The following NAF1 variants were observed in gnomAD, a reference collection of about 807,000 sequenced individuals.
The protein encoded by NAF1 is H/ACA ribonucleoprotein complex non-core subunit NAF1.
Under a neutral mutation model 40.6 loss-of-function variants are expected in NAF1, and 11 were observed. That is an observed-to-expected ratio of 0.27 (90% confidence interval 0.17 to 0.45). The LOEUF is 0.45. Among genes scored for constraint, NAF1 ranks in the 20% least tolerant of loss-of-function variants. The pLI is 1.00. For synonymous variants in NAF1, 260 were observed against 228.5 expected, an observed-to-expected ratio of 1.14 and a Z score of -1.24; for missense variants, 607 against 611.1, an observed-to-expected ratio of 0.99 and a Z score of 0.07.
At chr4:163,138,407 T>C (rs959495465) in intron 5 of NAF1, among the ~76,000 whole-genome samples, 4 of 152,074 alleles carry the variant, frequency 2.6e-5, no homozygotes, top group Non-Finnish European at 4.4e-5. Flanking sequence ...CAGACATAAA[T>C]GGGAAAAATT....
At chr4:163,158,305 C>T (rs946646225) in intron 2 of NAF1, 3 of 151,984 alleles carry the variant, frequency 2.0e-5, no homozygotes, top group African/African-American at 7.2e-5. Flanking sequence ...AGAGCCATGA[C>T]TGAATTTTTT....
chr4:163,160,344 A>G (rs996005816), intron 2 of NAF1, among the ~76,000 whole-genome samples: 11 of 152,164 alleles, frequency 7.2e-5, no homozygotes, highest in Non-Finnish European at 1.6e-4. Flanking sequence ...GTACCCTCAC[A>G]TTAAAAAACA....
At chr4:163,146,505 ACT>A (rs1254564865) in intron 3 of NAF1, among the ~76,000 whole-genome samples, 3 of 152,144 alleles carry the variant, frequency 2.0e-5, no homozygotes, top group African/African-American at 7.2e-5. Flanking sequence ...ACACAAACAC[ACT>A]CTCAATAAGT....
intron 6 of NAF1, 59 bp from the exon 7 acceptor site, chr4:163,133,315 C>A (rs757258985): frequency 2.2e-6 from 3 of 1,342,958 alleles, no homozygotes; most frequent in South Asian, 1.3e-5. Flanking sequence ...TTCAATAGTA[C>A]ATACTTGGAG....
chr4:163,142,606 T>C (rs1560793769), intron 4 of NAF1, among the ~76,000 whole-genome samples: 1 of 152,346 alleles, frequency 6.6e-6, no homozygotes, highest in East Asian at 1.9e-4. Flanking sequence ...GAAATCATTA[T>C]AAAGTTTTAA....
At position 163,143,528 on chromosome 4, in the gene NAF1, C is replaced by G. The variant is rs372698101; in HGVS notation, c.717+2254G>C. ...GAGAATGAGCTGTACTCTCCTCCCC[C>G]TCTCCACACACATACCATGTCACAA... On this transcript the variant is annotated intron_variant, in intron 4 of 7. Coordinates refer to ENST00000274054, the MANE Select transcript of NAF1 (RefSeq NM_138386.3). 9.3e-4 allele frequency among the ~76,000 whole-genome samples: 142 copies of G among 152,328 alleles called. 2 individuals are homozygous for G. Among genetic ancestry groups the G allele is most frequent in the South Asian group, 3.5e-3 (17 of 4,830 alleles).
chr4:163,131,062 G>A (rs968050112), intron 7 of NAF1, among the ~76,000 whole-genome samples: 58 of 152,098 alleles, frequency 3.8e-4, no homozygotes, highest in African/African-American at 1.4e-3. Context: ...TAGTAGAGAT[G>A]GGGTTTCACC....
chr4:163,116,138 T>C (rs560898363), intron 2 of NAF1, among the ~76,000 whole-genome samples: 2 of 152,324 alleles, frequency 1.3e-5, no homozygotes, highest in African/African-American at 4.8e-5. Flanking sequence ...TGACACATCA[T>C]CAGTTTTTGA....
chr4:163,126,873 G>T (rs962625406), downstream of NAF1: 51 of 1,426,880 alleles, frequency 3.6e-5, 1 homozygote, highest in Admixed American at 1.3e-3. Flanking sequence ...CCTTCCAACA[G>T]CTAAAAGACT....
At chr4:163,166,324 G>T (rs201397078) in intron 1 of NAF1, 39 bp downstream of exon 1, 223 of 1,533,166 alleles carry the variant, frequency 1.5e-4, no homozygotes, top group Non-Finnish European at 1.9e-4. Context: ...CGTCATACAA[G>T]ACCTCTCCCC....
chr4:163,162,187 G>A lies in NAF1; in HGVS notation c.540+2030C>T, dbSNP rs183327709. Among the ~76,000 whole-genome samples the A allele has an allele frequency of 4.6e-3, 693 of 152,228 alleles. 6 individuals carry two copies. The highest frequency in any genetic ancestry group is 8.0e-3 in the Non-Finnish European group (547 of 68,002). ...GGTAAAACTGCCAGCCCTGAGAAAC[G>A]GACAAAGAGGCAGACTCCTAAACAC... is the stretch of plus-strand genomic sequence containing the variant. On this transcript the variant is annotated intron_variant, in intron 2 of 7. Coordinates refer to ENST00000274054, the MANE Select transcript of NAF1 (RefSeq NM_138386.3).
intron 2 of NAF1, among the ~76,000 whole-genome samples, chr4:163,113,046 A>G (rs1252449587): frequency 1.3e-5 from 2 of 152,196 alleles, no homozygotes; most frequent in Non-Finnish European, 2.9e-5. Context: ...AGAAAAATTG[A>G]GACATCAAAC....
rs191886835 is a variant in NAF1 at position 163,162,961 on chromosome 4, T to C, written c.540+1256A>G. Among the ~76,000 whole-genome samples the C allele has an allele frequency of 2.0e-5, 3 of 152,290 alleles. No individual in the cohort carries two copies. In the East Asian group the frequency reaches 5.8e-4, roughly 29 times the overall value. ...AATACCTAAACAAATATGCTAAGAC[T>C]TTGCATTAAATTGGAAGAAATTCCC... On this transcript the variant is annotated intron_variant, in intron 2 of 7. Coordinates refer to ENST00000274054, the MANE Select transcript of NAF1 (RefSeq NM_138386.3).
In NAF1 at chr4:163,153,047, C is replaced by T. The variant is rs181429699; in HGVS notation, c.541-4613G>A. 1.6e-3 allele frequency among the ~76,000 whole-genome samples: 247 copies of T among 152,338 alleles called. 4 individuals carry two copies. The highest frequency in any genetic ancestry group is 8.3e-3 in the East Asian group (43 of 5,182). On this transcript the variant is annotated intron_variant, in intron 2 of 7. Transcript: ENST00000274054. ...CAGCAGTGCCAGCCCAGCAGCACTG[C>T]GCTCGATTTCTCGCCGAGCCTTAGC...
rs146833635 is a variant in NAF1, at chr4:163,141,061, G to A, written c.718-678C>T. ...AAATTGTACTTTCTTCTCAAAATAC[G>A]TGAATTAAAAAATATATTTTCTGGC... On this transcript the variant is annotated intron_variant, in intron 4 of 7. Coordinates refer to ENST00000274054, the MANE Select transcript of NAF1 (RefSeq NM_138386.3). 7.9e-5 allele frequency among the ~76,000 whole-genome samples: 12 copies of A among 152,286 alleles called. No homozygotes were observed. In the East Asian group the frequency reaches 1.3e-3, roughly 17 times the overall value.
Position 163,129,138 on chromosome 4 carries a change from T to C in NAF1, c.1244A>G (p.Asn415Ser), listed in dbSNP as rs1239306784. The change falls in exon 8 of 8, where the codon AAT (asparagine) becomes AGT (serine). Residue 415 changes from asparagine to serine, a missense_variant. By Grantham distance (46) the Asn-to-Ser change is conservative. Transcript: ENST00000274054. ...GGGGTATTGTGGCATAATGGGATTA[T>C]TTTGTCTCTGAGAAGGAAATCCTGA... ...ETSGFPSQRQ[N>S]NPIMPQYPFP... The C allele has an allele frequency of 6.2e-7, 1 of 1,613,950 alleles. No individual in the cohort carries two copies. Among genetic ancestry groups the C allele is most frequent in the Non-Finnish European group, 8.5e-7 (1 of 1,179,870 alleles).
chr4:163,158,148 G>A (rs1732068114), intron 2 of NAF1: 1 of 152,090 alleles, frequency 6.6e-6, no homozygotes, highest in South Asian at 2.1e-4. Context: ...TGAGAAAAGT[G>A]AGGAAGGTGG....
intron 5 of NAF1, among the ~76,000 whole-genome samples, chr4:163,139,265 G>A (rs1352290925): frequency 6.6e-6 from 1 of 151,934 alleles, no homozygotes; most frequent in African/African-American, 2.4e-5. Flanking sequence ...AAAATGTATC[G>A]CCTAGGTTTT....
At chr4:163,120,151 C>T (rs146052070) in intron 2 of NAF1, among the ~76,000 whole-genome samples, 63 of 152,264 alleles carry the variant, frequency 4.1e-4, no homozygotes, top group Middle Eastern at 3.4e-3. Context: ...GGGGAGAGTG[C>T]AAATGTTTCC....
Sources: allele counts gnomAD v4.1 joint callset (sites outside exome capture counted in the v4.1 genomes callset), GRCh38; gene constraint gnomAD v4.1.1; transcripts MANE v1.5; gene names NCBI Gene and HGNC (gene_info 2026-07-23, HGNC 2026-07-21).